The following MAPK8IP3 variants were observed in gnomAD, a reference collection of about 807,000 sequenced individuals.
MAPK8IP3 encodes C-Jun-amino-terminal kinase-interacting protein 3.
MAPK8IP3 carries 49 observed loss-of-function variants against 157.8 expected under a neutral mutation model. That is an observed-to-expected ratio of 0.31 (90% CI 0.25 to 0.39). The LOEUF is 0.39. Among genes scored for constraint, MAPK8IP3 ranks in the 10% least tolerant of loss-of-function variants. The probability of loss-of-function intolerance (pLI) is 1.00; values close to 1 mark genes in which losing one functional copy is unlikely to be tolerated. For synonymous variants in MAPK8IP3, 897 were observed against 777.7 expected, an observed-to-expected ratio of 1.15 and a Z score of -2.55; for missense variants, 1,478 against 1,889.4, an observed-to-expected ratio of 0.78 and a Z score of 4.04.
At chr16:1,767,114 G>A (rs779236406) in intron 25 of MAPK8IP3, 35 bp from the exon 26 acceptor site, 4 of 1,610,368 alleles carry the variant, frequency 2.5e-6, no homozygotes, top group Non-Finnish European at 3.4e-6. Context: ...GTGGGGCCTG[G>A]CCAGGCCTGA....
chr16:1,763,572 C>T (rs1313760059), intron 16 of MAPK8IP3, 85 bp from the exon 17 acceptor site: 21 of 1,385,736 alleles, frequency 1.5e-5, no homozygotes, highest in Admixed American at 3.2e-5. Context: ...GGCCTCCCTG[C>T]CGTGACCTCC....
rs2041021722 is a variant in MAPK8IP3, at chr16:1,747,257, A to G, written c.976A>G (p.Met326Val). The G allele has an allele frequency of 6.2e-7, 1 of 1,613,468 alleles. No individual in the cohort carries two copies. Among genetic ancestry groups the G allele is most frequent in the Non-Finnish European group, 8.5e-7 (1 of 1,180,004 alleles). ...CATGGAAGTACAGGTCACCCAGGAG[A>G]TGCGCAACGTCAGTATAGGTGGGTG... Reference protein sequence around the residue: ...RNMEVQVTQEMRNVSIGMGSS... With the variant: ...RNMEVQVTQEVRNVSIGMGSS... Residue 326 changes from methionine (M) to valine (V), a missense_variant, in exon 6 of 32, where the codon ATG becomes GTG. Met to Val is a conservative substitution (Grantham distance 21). This residue lies in a region of MAPK8IP3 where 315 missense variants were observed against 394.4 expected (regional missense o/e 0.80). Coordinates refer to ENST00000610761, the MANE Select transcript of MAPK8IP3 (RefSeq NM_001318852.2).
chr16:1,727,521 T>A lies in MAPK8IP3; in HGVS notation c.440-1617T>A, dbSNP rs117808221. 4.6e-3 allele frequency among the ~76,000 whole-genome samples: 708 copies of A among 152,270 alleles called. 3 individuals are homozygous for A. Among genetic ancestry groups the A allele is most frequent in the Non-Finnish European group, 7.7e-3 (525 of 68,014 alleles). On this transcript the variant is annotated intron_variant, in intron 2 of 31. Coordinates refer to ENST00000610761, the MANE Select transcript of MAPK8IP3 (RefSeq NM_001318852.2). ...TCTGTAAGTTATGCATGTTTGGTGC[T>A]GTGTCTAAGTCGTGCGTGTGAGGTG... is the stretch of plus-strand genomic sequence containing the variant.
At chr16:1,739,935 TGTCCGTGTGAGCATCCGTGTGACC>T (rs2040536655) in intron 4 of MAPK8IP3, among the ~76,000 whole-genome samples, 1 of 72,872 alleles carries the variant, frequency 1.4e-5, no homozygotes, top group Non-Finnish European at 2.7e-5. Flanking sequence ...TCCGTGTGAC[TGTCCGTGTGAGCATCCGTGTGACC>T]GTCCGTGTGA....
chr16:1,728,508 TC>T (rs2039053603), intron 2 of MAPK8IP3, among the ~76,000 whole-genome samples: 1 of 152,158 alleles, frequency 6.6e-6, no homozygotes, highest in African/African-American at 2.4e-5. Flanking sequence ...CCTGTGGGTT[TC>T]CCCACCCCCA....
At position 1,767,899 on chromosome 16, in the gene MAPK8IP3, C is replaced by T. The variant is rs2042366954; in HGVS notation, c.3504C>T (p.Ile1168=). Residue 1168 remains isoleucine (I), a synonymous_variant, in exon 28 of 32, where the codon ATC becomes ATT. Transcript: ENST00000610761. The part of the protein sequence containing the change: ...LWVGTGNGVV[I]SIPLTETVVL... The stretch of plus-strand genomic sequence containing the variant: ...TGGGCACCGGCAACGGAGTGGTCAT[C>T]TCCATCCCCCTGACAGAGAGTGAGT... The T allele has an allele frequency of 1.2e-6, 2 of 1,611,140 alleles. No individual in the cohort carries two copies. The highest frequency in any genetic ancestry group is 1.7e-5 in the Admixed American group (1 of 59,998).
chr16:1,706,797 C>T lies in MAPK8IP3; in HGVS notation c.318+140C>T, dbSNP rs2037418668. Reference sequence around the variant, plus strand: ...GGACCCCTGGACCCCCAGACCCCGCCCCGAGACCCGCCTGGACCCCATATC... The same window carrying T: ...GGACCCCTGGACCCCCAGACCCCGCTCCGAGACCCGCCTGGACCCCATATC... On this transcript the variant is annotated intron_variant, in intron 1 of 31. Transcript: ENST00000610761. This position sits in a 1 kb window ranked among gnomAD's most constrained non-coding sequence, Gnocchi z 5.1. The T allele has an allele frequency of 1.1e-6, 1 of 907,142 alleles. No individual in the cohort carries two copies. Among genetic ancestry groups the T allele is most frequent in the African/African-American group, 1.8e-5 (1 of 55,646 alleles). 56.2% of individuals were successfully genotyped at this position (907,142 alleles called of 1,614,324 possible).
intron 4 of MAPK8IP3, among the ~76,000 whole-genome samples, chr16:1,734,804 G>A (rs145322300): frequency 1.1e-4 from 17 of 152,390 alleles, no homozygotes; most frequent in East Asian, 7.7e-4. Flanking sequence ...TGAGGGCGCC[G>A]TCCATCCTCA....
intron 4 of MAPK8IP3, among the ~76,000 whole-genome samples, chr16:1,732,682 C>T (rs2039393307): frequency 6.6e-6 from 1 of 151,192 alleles, no homozygotes; most frequent in Non-Finnish European, 1.5e-5. Flanking sequence ...TGCCAGCTTG[C>T]CCCGAGAACA....
Position 1,764,408 on chromosome 16 carries a change from C to T in MAPK8IP3, c.2229C>T (p.Arg743=), listed in dbSNP as rs1315281056. 2 of 1,604,732 alleles carry T rather than the reference C, an allele frequency of 1.2e-6. No homozygotes were observed. The highest frequency in any genetic ancestry group is 4.5e-5 in the East Asian group (2 of 44,554). Residue 743 remains arginine, a synonymous_variant, in exon 19 of 32, where the codon CGC becomes CGT. Coordinates refer to ENST00000610761, the MANE Select transcript of MAPK8IP3 (RefSeq NM_001318852.2). ...GCCGCGATCCCCTGACCTGCGACCG[C>T]GAAGGAGACGGCGAGCCCAAGAGCG... is the stretch of plus-strand genomic sequence containing the variant. ...APGRDPLTCD[R]EGDGEPKSAH...
intron 4 of MAPK8IP3, among the ~76,000 whole-genome samples, chr16:1,740,615 C>T (rs899419967): frequency 3.9e-5 from 6 of 152,246 alleles, no homozygotes; most frequent in Non-Finnish European, 5.9e-5. Context: ...CTGCTGCCCA[C>T]GCCTTCTAAC....
chr16:1,734,578 G>A (rs941499933), intron 4 of MAPK8IP3, among the ~76,000 whole-genome samples: 1 of 152,234 alleles, frequency 6.6e-6, no homozygotes, highest in African/African-American at 2.4e-5. Context: ...CCCCTCCCCT[G>A]TCCCGAGTGC....
chr16:1,748,161 C>T, intron 6 of MAPK8IP3, 83 bp from the exon 7 acceptor site: 1 of 1,027,984 alleles, frequency 9.7e-7, no homozygotes, highest in Non-Finnish European at 1.5e-6. Flanking sequence ...GCCCACCAGA[C>T]TCAGGTTCCG....
chr16:1,732,458 C>T (rs974861285), intron 4 of MAPK8IP3, among the ~76,000 whole-genome samples: 11 of 152,246 alleles, frequency 7.2e-5, no homozygotes, highest in African/African-American at 1.4e-4. Context: ...ACTCTGCTTC[C>T]GAGTCTCTGG....
At chr16:1,737,796 C>G (rs2040130495) in intron 4 of MAPK8IP3, among the ~76,000 whole-genome samples, 1 of 82,840 alleles carries the variant, frequency 1.2e-5, no homozygotes, top group Non-Finnish European at 2.2e-5. Flanking sequence ...ATGTGAGCAT[C>G]CATGTGACCG....
At position 1,768,734 on chromosome 16, in the gene MAPK8IP3, C is replaced by A; in HGVS notation, c.3924C>A (p.Gly1308=). 2 of 1,612,716 alleles carry A rather than the reference C, an allele frequency of 1.2e-6. No homozygotes were observed. The highest frequency in any genetic ancestry group is 1.7e-6 in the Non-Finnish European group (2 of 1,179,846). Residue 1308 remains glycine, a synonymous_variant, in exon 32 of 32, where the codon GGC becomes GGA. Transcript: ENST00000610761. ...GDGEDDETEE[G]AGDMSQVKPV... ...GAGAGGACGACGAGACGGAGGAGGGCGCAGGGGACATGAGCCAGGTGAAGC... is the reference window on the plus strand; with the variant it reads ...GAGAGGACGACGAGACGGAGGAGGGAGCAGGGGACATGAGCCAGGTGAAGC...
chr16:1,706,251 G>A lies in MAPK8IP3; in HGVS notation c.-89G>A. 1 of 1,236,500 alleles carries A rather than the reference G, an allele frequency of 8.1e-7. No individual in the cohort carries two copies. Among genetic ancestry groups the A allele is most frequent in the Non-Finnish European group, 1.1e-6 (1 of 946,560 alleles). 76.6% of individuals were successfully genotyped at this position (1,236,500 alleles called of 1,614,324 possible). ...GGCGACAGCAGCTGCGGGAGGCGACGGGCTGCGGCCTGCGGAACCTGAGGC... is the reference window on the plus strand; with the variant it reads ...GGCGACAGCAGCTGCGGGAGGCGACAGGCTGCGGCCTGCGGAACCTGAGGC... On this transcript the variant is annotated 5_prime_UTR_variant, in exon 1 of 32. Transcript: ENST00000610761. The surrounding 1 kb of genome is among the most constrained non-coding windows in gnomAD (Gnocchi z 5.1).
At chr16:1,740,600 G>A (rs901000336) in intron 4 of MAPK8IP3, among the ~76,000 whole-genome samples, 5 of 152,174 alleles carry the variant, frequency 3.3e-5, no homozygotes, top group African/African-American at 1.2e-4. Flanking sequence ...TGGCGTGTGC[G>A]CATTCTGCTG....
chr16:1,752,481 A>T lies in MAPK8IP3; in HGVS notation c.1216+3761A>T. 8.2e-6 allele frequency: 3 copies of T among 364,550 alleles called. No individual in the cohort carries two copies. The Admixed American group carries it at 9.9e-5, about 12-fold the overall frequency. The allele number at this position is 364,550 out of a possible 1,614,324, so 22.6% of individuals were successfully genotyped here. The stretch of plus-strand genomic sequence containing the variant: ...AGGGAGGCCAGGCACAGTCACTCAC[A>T]CCTGTAATCCCAGAGCTTTGGGAGG... On this transcript the variant is annotated intron_variant, in intron 8 of 31. Transcript: ENST00000610761.
Sources: gnomAD v4.1 joint callset for allele counts (sites outside exome capture counted in the v4.1 genomes callset) on GRCh38, gnomAD v4.1.1 for gene constraint, gnomAD v4.1.1 regional missense constraint, Gnocchi (gnomAD v3.1) non-coding constraint, MANE v1.5 for transcripts, NCBI Gene and HGNC (gene_info 2026-07-23, HGNC 2026-07-21) for gene names.